Variants in PLEKHG1 observed in about 807,000 individuals in gnomAD.
PLEKHG1 encodes pleckstrin homology and RhoGEF domain containing G1, also known as pleckstrin homology domain-containing family G member 1.
In PLEKHG1, 44 loss-of-function variants were observed where a neutral mutation model predicts 100.8. That is an observed-to-expected ratio of 0.44 (90% confidence interval 0.34 to 0.56). The LOEUF (loss-of-function observed/expected upper bound fraction) is 0.56, where lower values mean the gene tolerates loss of function less well. Among genes scored for constraint, PLEKHG1 ranks in the 20% least tolerant of loss-of-function variants. PLEKHG1 has a pLI of 0.01. For missense variants in PLEKHG1, 1,545 were observed against 1,720.9 expected (o/e 0.90, Z 1.81); for synonymous variants, 640 against 662.5 (o/e 0.97, Z 0.52).
intron 14 of PLEKHG1, chr6:150,828,359 G>C (rs892049135): frequency 3.7e-6 from 6 of 1,610,418 alleles, no homozygotes; most frequent in Non-Finnish European, 5.1e-6. Context: ...CTCATGAAGA[G>C]GGACAGCGAT....
intron 7 of PLEKHG1, among the ~76,000 whole-genome samples, chr6:150,806,472 G>A (rs1466427648): frequency 2.6e-5 from 4 of 152,028 alleles, no homozygotes; most frequent in Middle Eastern, 3.4e-3. Flanking sequence ...ATCACTTGAT[G>A]TCAGGAGTTC....
In PLEKHG1 at chr6:150,613,538, A is replaced by T. The variant is rs187340644; in HGVS notation, c.-204+13521A>T. Among the ~76,000 whole-genome samples the T allele has an allele frequency of 2.0e-5, 3 of 152,270 alleles. No individual in the cohort carries two copies. The East Asian group carries it at 5.8e-4, about 29-fold the overall frequency. ...TCTGATTGTCTGATTCTGTGATACC[A>T]AGTTCTAGAACAGAGAGCAGCAGCC... is the stretch of plus-strand genomic sequence containing the variant. On this transcript the variant is annotated intron_variant, in intron 1 of 3. Coordinates refer to the PLEKHG1 transcript ENST00000367326.
intron 14 of PLEKHG1, among the ~76,000 whole-genome samples, chr6:150,828,603 AGCCATTTGTATG>A (rs2128685711): frequency 6.6e-6 from 1 of 151,926 alleles, no homozygotes; most frequent in South Asian, 2.1e-4. Context: ...AATTAAAACC[AGCCATTTGTATG>A]GCAAAAAAAA....
At chr6:150,809,048 G>C in intron 7 of PLEKHG1, 57 bp from the exon 9 acceptor site, 8 of 1,494,672 alleles carry the variant, frequency 5.4e-6, no homozygotes, top group Non-Finnish European at 7.4e-6. Flanking sequence ...GGGCCACCAA[G>C]CCCTTGGTGC....
intron 6 of PLEKHG1, among the ~76,000 whole-genome samples, chr6:150,802,474 A>G (rs1786767548): frequency 8.1e-6 from 1 of 123,376 alleles, no homozygotes; most frequent in African/African-American, 3.7e-5. Flanking sequence ...TCGGTTAAGC[A>G]TATGAAACAA....
chr6:150,824,566 G>A (rs1776482047), intron 14 of PLEKHG1, among the ~76,000 whole-genome samples: 1 of 151,392 alleles, frequency 6.6e-6, no homozygotes, highest in Admixed American at 6.6e-5. Context: ...CTGTTGCCCA[G>A]GCTGGAGTGC....
chr6:150,720,461 A>C (rs1781619386), upstream of PLEKHG1, among the ~76,000 whole-genome samples: 1 of 152,240 alleles, frequency 6.6e-6, no homozygotes, highest in South Asian at 2.1e-4. Context: ...TACCAATTTT[A>C]GGTATTTGTC....
chr6:150,688,488 T>C (rs913763187), intron 3 of PLEKHG1, among the ~76,000 whole-genome samples: 2 of 151,932 alleles, frequency 1.3e-5, no homozygotes, highest in Admixed American at 1.3e-4. Context: ...GCTTGGCTAA[T>C]TTTTGTATTT....
chr6:150,748,327 A>G (rs1658728324), intron 2 of PLEKHG1, among the ~76,000 whole-genome samples: 1 of 152,166 alleles, frequency 6.6e-6, no homozygotes, highest in South Asian at 2.1e-4. Flanking sequence ...GGGATTTTCA[A>G]TTTACTAGAA....
Position 150,831,420 on chromosome 6 carries a change from G to A in PLEKHG1, c.2309G>A (p.Gly770Asp). 1 of 1,614,120 alleles carries A rather than the reference G, an allele frequency of 6.2e-7. No individual in the cohort carries two copies. The highest frequency in any genetic ancestry group is 8.5e-7 in the Non-Finnish European group (1 of 1,180,034). ...CGTGCAAAGCGGAGCACCTTTTTGG[G>A]TCTGGAGGCCGACTTCGTGTGCTGT... Residue 770 changes from glycine to aspartate, a missense_variant, in exon 15 of 16, where the codon GGT becomes GAT. By Grantham distance (94) the Gly-to-Asp change is moderately conservative. Transcript: ENST00000358517. The surrounding 1 kb of genome is among the most constrained non-coding windows in gnomAD (Gnocchi z 4.1).
intron 3 of PLEKHG1, among the ~76,000 whole-genome samples, chr6:150,694,079 A>G (rs1157582108): frequency 2.0e-5 from 3 of 152,258 alleles, no homozygotes; most frequent in Non-Finnish European, 2.9e-5. Context: ...GACAGGCAGC[A>G]TGGATCTAGT....
chr6:150,722,874 A>G (rs981769169), intron 1 of PLEKHG1, among the ~76,000 whole-genome samples: 1 of 152,190 alleles, frequency 6.6e-6, no homozygotes, highest in African/African-American at 2.4e-5. Context: ...CTGTTTAGTT[A>G]CTGCCTTGAG....
intron 3 of PLEKHG1, 48 bp downstream of exon 4, chr6:150,768,786 A>G (rs1205725099): frequency 9.1e-7 from 1 of 1,100,812 alleles, no homozygotes; most frequent in Non-Finnish European, 1.4e-6. Flanking sequence ...CATTATGAAA[A>G]TTTCTCAAAT....
intron 2 of PLEKHG1, among the ~76,000 whole-genome samples, chr6:150,639,576 G>T (rs1301974018): frequency 6.6e-6 from 1 of 150,456 alleles, no homozygotes; most frequent in African/African-American, 2.5e-5. Flanking sequence ...AAACAATTTT[G>T]CAGTTAGTAT....
In PLEKHG1 at chr6:150,633,602, G is replaced by A. The variant is rs192520544; in HGVS notation, c.-203-4478G>A. On this transcript the variant is annotated intron_variant, in intron 1 of 3. Coordinates refer to the PLEKHG1 transcript ENST00000367326. ...AGATAAAGATGCAGGGGCCTCTGAC[G>A]ATGGGGGCCTTAGTCATCTCAGAGG... Among the ~76,000 whole-genome samples, 215 of 152,312 alleles carry A rather than the reference G, an allele frequency of 1.4e-3. 1 individual carries two copies. Among genetic ancestry groups the A allele is most frequent in the African/African-American group, 4.6e-3 (193 of 41,570 alleles).
intron 15 of PLEKHG1, among the ~76,000 whole-genome samples, chr6:150,835,320 A>G (rs751291530): frequency 6.6e-6 from 1 of 152,166 alleles, no homozygotes; most frequent in Non-Finnish European, 1.5e-5. Flanking sequence ...AGAAAACTCC[A>G]TACAGGCTTG....
At chr6:150,744,351 G>A (rs1783037775) in intron 2 of PLEKHG1, among the ~76,000 whole-genome samples, 1 of 152,158 alleles carries the variant, frequency 6.6e-6, no homozygotes, top group Non-Finnish European at 1.5e-5. Context: ...TGGGATTACA[G>A]GTGTGAGCCA....
Position 150,600,493 on chromosome 6 carries a change from A to G in PLEKHG1, c.-204+476A>G, listed in dbSNP as rs1776298368. 6.6e-6 allele frequency among the ~76,000 whole-genome samples: 1 copy of G among 151,828 alleles called. No individual in the cohort carries two copies. On this transcript the variant is annotated intron_variant, in intron 1 of 3. Transcript: ENST00000367326. This position sits in a 1 kb window ranked among gnomAD's most constrained non-coding sequence, Gnocchi z 6.2. ...AGCCAGTCAGCTGGGTCAGCTCCCC[A>G]GCAGCGAAGCCGGGAGCCCGAGGAC... is the stretch of plus-strand genomic sequence containing the variant.
chr6:150,674,625 TCTCCTCC>T (rs1340222883), intron 3 of PLEKHG1, among the ~76,000 whole-genome samples: 18 of 91,846 alleles, frequency 2.0e-4, no homozygotes, highest in Admixed American at 8.4e-4. Context: ...ACTTTCTCTC[TCTCCTCC>T]CTCTCTCTCT....
Sources: gnomAD v4.1 joint callset for allele counts (sites outside exome capture counted in the v4.1 genomes callset) on GRCh38, gnomAD v4.1.1 for gene constraint, Gnocchi (gnomAD v3.1) non-coding constraint, MANE v1.5 for transcripts, NCBI Gene and HGNC (gene_info 2026-07-23, HGNC 2026-07-21) for gene names.